SPEF2: variants seen among roughly 807,000 people sequenced by gnomAD.
The protein encoded by SPEF2 is sperm flagella and cilia-associated protein 2.
A neutral mutation model predicts 224.6 loss-of-function variants in SPEF2; 187 were observed. The observed-to-expected ratio is 0.83, with a 90% CI of 0.74 to 0.94. The LOEUF is 0.94. Ranked by LOEUF, SPEF2 falls within the 40% of genes least tolerant of loss-of-function variation. The pLI is 0.00. For missense variants in SPEF2, 2,170 were observed against 2,135.6 expected (o/e 1.02, Z -0.32); for synonymous variants, 715 against 707.3 (o/e 1.01, Z -0.17).
Position 35,670,095 on chromosome 5 carries a change from A to G in SPEF2, c.1392A>G (p.Glu464=), listed in dbSNP as rs1052891091. ...ATAAGTTGATGCATGATTGGAAGGA[A>G]CTATTTTTTAATGCAAAACCCATAT... ...IPYKLMHDWK[E]LFFNAKPIYE... is the part of the protein sequence containing the mutation. Residue 464 remains glutamate, a synonymous_variant, in exon 10 of 37, where the codon GAA becomes GAG. Coordinates refer to ENST00000356031, the MANE Select transcript of SPEF2 (RefSeq NM_024867.4). The G allele has an allele frequency of 3.7e-6, 6 of 1,609,944 alleles. No homozygotes were observed. The highest frequency in any genetic ancestry group is 4.2e-6 in the Non-Finnish European group (5 of 1,178,176).
intron 10 of SPEF2, chr5:35,675,682 G>A: frequency 3.8e-6 from 1 of 260,728 alleles, no homozygotes; most frequent in Non-Finnish European, 7.9e-6. Flanking sequence ...ACCACACCCG[G>A]CTAATTTTCT....
At chr5:35,764,870 C>A (rs1204687683) in intron 26 of SPEF2, 2 of 370,406 alleles carry the variant, frequency 5.4e-6, no homozygotes, top group African/African-American at 4.3e-5. Context: ...ATGATAACTC[C>A]TCTCATTGTT....
chr5:35,700,703 A>G lies in SPEF2; in HGVS notation c.2349A>G (p.Leu783=). The change falls in exon 16 of 37, where the codon TTA becomes TTG. Residue 783 remains leucine (L), a synonymous_variant. Coordinates refer to ENST00000356031, the MANE Select transcript of SPEF2 (RefSeq NM_024867.4). ...CTCCTGCATTTGATTTTGTCATATT[A>G]TTAGATGTTTCAGATACTTCCTCAA... The part of the protein sequence containing the change: ...LPSPAFDFVI[L]LDVSDTSSMS... 1 of 1,613,980 alleles carries G rather than the reference A, an allele frequency of 6.2e-7. No individual in the cohort carries two copies. The highest frequency in any genetic ancestry group is 1.1e-5 in the South Asian group (1 of 91,080).
rs762359035 is a variant in SPEF2 at position 35,740,254 on chromosome 5, A to G, written c.3317A>G (p.His1106Arg). The G allele has an allele frequency of 8.7e-6, 14 of 1,613,982 alleles. No homozygotes were observed. Among genetic ancestry groups the G allele is most frequent in the Non-Finnish European group, 1.2e-5 (14 of 1,180,018 alleles). The part of the protein sequence containing the change: ...WDDEETKAEL[H>R]QRVNDLRDRL... ...GATGAGGAAACAAAGGCTGAACTAC[A>G]TCAACGAGTGAATGTAAGGAAATAG... The change falls in exon 23 of 37, where the codon CAT becomes CGT. Residue 1106 changes from histidine (H) to arginine (R), a missense_variant. By Grantham distance (29) the His-to-Arg change is conservative. Coordinates refer to ENST00000356031, the MANE Select transcript of SPEF2 (RefSeq NM_024867.4).
chr5:35,682,484 A>G (rs1170209621), intron 10 of SPEF2, among the ~76,000 whole-genome samples: 1 of 152,210 alleles, frequency 6.6e-6, no homozygotes, highest in Non-Finnish European at 1.5e-5. Flanking sequence ...ATGTATCAGT[A>G]ATTTAATTCT....
At chr5:35,663,144 A>G (rs941586156) in intron 8 of SPEF2, among the ~76,000 whole-genome samples, 3 of 152,248 alleles carry the variant, frequency 2.0e-5, no homozygotes, top group South Asian at 4.1e-4. Flanking sequence ...TTACAGGCCC[A>G]TTGTTCCCTT....
Position 35,757,100 on chromosome 5 carries a change from TATC to T in SPEF2, c.3469-2465_3469-2463del, listed in dbSNP as rs200651238. Among the ~76,000 whole-genome samples the T allele has an allele frequency of 2.4e-3, 288 of 122,518 alleles. 2 individuals carry two copies. The highest frequency in any genetic ancestry group is 1.6e-3 in the South Asian group (6 of 3,652). 80.4% of individuals were successfully genotyped at this position (122,518 alleles called of 152,430 possible). ...ACTATTAAAAATATTGTTTACTAGTTATCATAACAATTAAAAATATCGTTTACT... is the reference window on the plus strand; with the variant it reads ...ACTATTAAAAATATTGTTTACTAGTTATAACAATTAAAAATATCGTTTACT... On this transcript the variant is annotated intron_variant, in intron 24 of 36. Transcript: ENST00000356031.
In SPEF2 at chr5:35,704,567, C is replaced by G. The variant is rs1243409037; in HGVS notation, c.2412C>G (p.Ser804=). 2 of 1,609,488 alleles carry G rather than the reference C, an allele frequency of 1.2e-6. No homozygotes were observed. The highest frequency in any genetic ancestry group is 3.4e-5 in the Admixed American group (2 of 59,286). ...TTTATACCATAGCTGAAGAATTGTC[C>G]TATAAAACTGCTCACGAAGATATCA... The part of the protein sequence containing the change: ...RMNDIIAEEL[S]YKTAHEDISQ... The change falls in exon 17 of 37, where the codon TCC becomes TCG. Residue 804 remains serine (S), a synonymous_variant. Transcript: ENST00000356031.
At chr5:35,692,795 G>T in intron 12 of SPEF2, 71 bp downstream of exon 12, 1 of 1,478,920 alleles carries the variant, frequency 6.8e-7, no homozygotes, top group South Asian at 1.3e-5. Context: ...GAATTTAAAA[G>T]GTCTTCTCTA....
chr5:35,748,039 A>G (rs1019446963), intron 23 of SPEF2, among the ~76,000 whole-genome samples: 29 of 152,226 alleles, frequency 1.9e-4, no homozygotes, highest in African/African-American at 6.5e-4. Context: ...GGAATCTTCA[A>G]AACTATGCAA....
At chr5:35,742,401 C>T (rs1346356136) in intron 23 of SPEF2, among the ~76,000 whole-genome samples, 2 of 151,886 alleles carry the variant, frequency 1.3e-5, no homozygotes, top group Admixed American at 6.6e-5. Flanking sequence ...TAAAAATTTA[C>T]AAATTTGAAA....
At chr5:35,779,401 G>A (rs945938328) in intron 30 of SPEF2, 55 bp downstream of exon 30, 2 of 1,374,722 alleles carry the variant, frequency 1.5e-6, no homozygotes, top group Non-Finnish European at 1.0e-6. Context: ...GATTAACCAG[G>A]ACAGAAATCA....
chr5:35,775,896 A>G (rs923989266), intron 28 of SPEF2, among the ~76,000 whole-genome samples: 23 of 152,166 alleles, frequency 1.5e-4, no homozygotes, highest in Non-Finnish European at 8.8e-5. Context: ...GAGAAATACA[A>G]TGGCAATGCC....
At chr5:35,726,098 A>G (rs1352342909) in intron 20 of SPEF2, among the ~76,000 whole-genome samples, 2 of 152,232 alleles carry the variant, frequency 1.3e-5, no homozygotes, top group African/African-American at 4.8e-5. Flanking sequence ...GTGAATATTC[A>G]CTAACGCATA....
At chr5:35,770,017 G>GCA (rs1251006155) in intron 26 of SPEF2, among the ~76,000 whole-genome samples, 9 of 135,846 alleles carry the variant, frequency 6.6e-5, no homozygotes, top group South Asian at 2.3e-4. Context: ...GTGTGTGTGT[G>GCA]TGTGTGCATG....
chr5:35,754,082 C>A (rs984840638), intron 24 of SPEF2, among the ~76,000 whole-genome samples: 3 of 152,090 alleles, frequency 2.0e-5, no homozygotes, highest in African/African-American at 7.2e-5. Flanking sequence ...CAAAGCAGAC[C>A]CCTTAAGTGG....
chr5:35,778,003 T>C (rs760804419), intron 29 of SPEF2, among the ~76,000 whole-genome samples: 1 of 152,174 alleles, frequency 6.6e-6, no homozygotes, highest in Admixed American at 6.5e-5. Flanking sequence ...AAGCATAAAC[T>C]AATTGGCTAA....
At chr5:35,813,644 G>A (rs559753266) in intron 36 of SPEF2, among the ~76,000 whole-genome samples, 3 of 152,234 alleles carry the variant, frequency 2.0e-5, no homozygotes, top group South Asian at 4.2e-4. Context: ...TAAAGAAAAT[G>A]ATTCACTATG....
rs150097125 is a variant in SPEF2 at position 35,646,999 on chromosome 5, C to T, written c.726+192C>T. Among the ~76,000 whole-genome samples, 748 of 152,250 alleles carry T rather than the reference C, an allele frequency of 4.9e-3. 7 individuals are homozygous for T. The highest frequency in any genetic ancestry group is 0.017 in the African/African-American group (721 of 41,546). ...ATTTTATATTGTTATTTGTTCAGAACGAAGAATGTAGCTTTAGGCCAGCAA... is the reference window on the plus strand; with the variant it reads ...ATTTTATATTGTTATTTGTTCAGAATGAAGAATGTAGCTTTAGGCCAGCAA... On this transcript the variant is annotated intron_variant, in intron 5 of 36. Coordinates refer to ENST00000356031, the MANE Select transcript of SPEF2 (RefSeq NM_024867.4).
Sources: gnomAD v4.1 joint callset for allele counts (sites outside exome capture counted in the v4.1 genomes callset) on GRCh38, gnomAD v4.1.1 for gene constraint, MANE v1.5 for transcripts, NCBI Gene and HGNC (gene_info 2026-07-23, HGNC 2026-07-21) for gene names.